ATPAF1: variants seen among roughly 807,000 people sequenced by gnomAD.
ATPAF1 encodes the protein homolog of yeast ATP11.
Under a neutral mutation model 43.9 loss-of-function variants are expected in ATPAF1, and 26 were observed. The observed-to-expected ratio is 0.59, with a 90% CI of 0.43 to 0.82. ATPAF1 has a LOEUF of 0.82. Among genes scored for constraint, ATPAF1 ranks in the 40% least tolerant of loss-of-function variants. The pLI is 0.00. For synonymous variants in ATPAF1, 157 were observed against 168.0 expected, an observed-to-expected ratio of 0.93 and a Z score of 0.50; for missense variants, 366 against 435.0, an observed-to-expected ratio of 0.84 and a Z score of 1.41.
chr1:46,652,322 A>C, intron 6 of ATPAF1: 1 of 346,112 alleles, frequency 2.9e-6, no homozygotes, highest in Non-Finnish European at 5.3e-6. Context: ...GGGAGCTAAA[A>C]AGCCAGAGGC....
intron 8 of ATPAF1, 96 bp from the exon 9 acceptor site, chr1:46,636,066 C>T (rs1208363748): frequency 4.4e-6 from 6 of 1,377,674 alleles, no homozygotes; most frequent in African/African-American, 1.4e-5. Context: ...GCCCAGGAGT[C>T]ACCACTTCCA....
chr1:46,639,434 C>T (rs1675905414), intron 8 of ATPAF1, among the ~76,000 whole-genome samples: 1 of 152,176 alleles, frequency 6.6e-6, no homozygotes, highest in African/African-American at 2.4e-5. Context: ...GGATATCACC[C>T]CACTCTCTAT....
chr1:46,660,224 G>A lies in ATPAF1; in HGVS notation c.376-1487C>T, dbSNP rs571262739. Among the ~76,000 whole-genome samples, 7 of 152,116 alleles carry A rather than the reference G, an allele frequency of 4.6e-5. No homozygotes were observed. In the East Asian group the frequency reaches 5.8e-4, roughly 13 times the overall value. ...ACTTCTGGCCTCAAGTGATCTGCCCGCTTCGGCCTCCCAAAGTGTTGGGAT... is the reference window on the plus strand; with the variant it reads ...ACTTCTGGCCTCAAGTGATCTGCCCACTTCGGCCTCCCAAAGTGTTGGGAT... On this transcript the variant is annotated intron_variant, in intron 2 of 8. Transcript: ENST00000574428.
At chr1:46,665,491 A>T in intron 1 of ATPAF1, 127 bp from the exon 2 acceptor site, 1 of 1,230,360 alleles carries the variant, frequency 8.1e-7, no homozygotes, top group Non-Finnish European at 1.1e-6. Context: ...ATTTGCCTTC[A>T]GTTAGTAAGA....
upstream of ATPAF1, chr1:46,668,421 C>G: frequency 4.3e-6 from 5 of 1,165,188 alleles, no homozygotes; most frequent in Non-Finnish European, 5.3e-6. This position sits in a 1 kb window ranked among gnomAD's most constrained non-coding sequence, Gnocchi z 4.4. Context: ...GCCCGCGCTC[C>G]GGCACCGAGG....
chr1:46,638,960 T>G lies in ATPAF1; in HGVS notation c.793-2990A>C, dbSNP rs556875230. Among the ~76,000 whole-genome samples the G allele has an allele frequency of 2.6e-5, 4 of 152,346 alleles. No homozygotes were observed. The South Asian group carries it at 8.3e-4, about 32-fold the overall frequency. ...TCCCTACATATTCCTGGGGTCATTCTCTTTCCTCCATCTCTATACCACTGC... is the reference window on the plus strand; with the variant it reads ...TCCCTACATATTCCTGGGGTCATTCGCTTTCCTCCATCTCTATACCACTGC... On this transcript the variant is annotated intron_variant, in intron 8 of 8. Coordinates refer to ENST00000574428, the Ensembl canonical transcript of ATPAF1.
rs759096193 is a variant in ATPAF1 at position 46,635,912 on chromosome 1, C to T, written c.851G>A (p.Arg284Gln). 2.7e-5 allele frequency: 43 copies of T among 1,614,092 alleles called. No homozygotes were observed. The South Asian group carries it at 3.6e-4, about 14-fold the overall frequency. ...CTCCACTAACCCGTAGGTCTCTTTCCGATCAGTAGCGTAGAAGAGCTGAAC... is the reference window on the plus strand; with the variant it reads ...CTCCACTAACCCGTAGGTCTCTTTCTGATCAGTAGCGTAGAAGAGCTGAAC... Residue 284 changes from arginine to glutamine, a missense_variant, in exon 9 of 9, where the codon CGG (arginine) becomes CAG (glutamine). Around this residue, in one of 2 missense-constraint regions of ATPAF1, gnomAD observed 180 missense variants for 266.5 expected, o/e 0.68. Coordinates refer to ENST00000574428, the Ensembl canonical transcript of ATPAF1.
At chr1:46,635,915 T>C in exon 9 of ATPAF1, 2 of 1,614,244 alleles carry the variant, frequency 1.2e-6, no homozygotes, top group Non-Finnish European at 1.7e-6. Context: ...CTCTTTCCGA[T>C]CAGTAGCGTA....
At chr1:46,634,092 A>G (rs549613068), downstream of ATPAF1, 403 of 335,932 alleles carry the variant, frequency 1.2e-3, 2 homozygotes, top group Non-Finnish European at 1.8e-3. Flanking sequence ...GTCTCTCTCA[A>G]TACATAGACT....
chr1:46,660,126 G>A (rs1359762601), intron 2 of ATPAF1, among the ~76,000 whole-genome samples: 3 of 152,032 alleles, frequency 2.0e-5, no homozygotes, highest in South Asian at 2.1e-4. Flanking sequence ...ACAGGCTTGT[G>A]CCACCATGCC....
rs528856853 is a variant in ATPAF1, at chr1:46,658,611, TC to T, written c.426+75del. Reference sequence around the variant, plus strand: ...AATCACTGAGCCACAGTACTTATGTTCAAATTTGCAGCCTCTTGTTCTAGAT... The same window carrying T: ...AATCACTGAGCCACAGTACTTATGTTAAATTTGCAGCCTCTTGTTCTAGAT... On this transcript the variant is annotated intron_variant, in intron 3 of 8. Coordinates refer to ENST00000574428, the Ensembl canonical transcript of ATPAF1. 555 of 1,165,628 alleles carry T rather than the reference TC, an allele frequency of 4.8e-4. 4 individuals are homozygous for T. In the African/African-American group the frequency reaches 8.0e-3, roughly 17 times the overall value. 72.2% of individuals were successfully genotyped at this position (1,165,628 alleles called of 1,614,324 possible). A position where few individuals can be genotyped will look rare whatever the true frequency, so the allele number is the denominator to read the frequency against.
At chr1:46,665,969 G>T in intron 1 of ATPAF1, 2 of 765,860 alleles carry the variant, frequency 2.6e-6, no homozygotes, top group Non-Finnish European at 1.8e-6. Flanking sequence ...AGGCTGGGGT[G>T]CTGTCCCTAT....
At position 46,653,302 on chromosome 1, in the gene ATPAF1, C is replaced by T. The variant is rs1250424430; in HGVS notation, c.540+515G>A. ...AGCAGCATCCCTTCTCTGTCACAGA[C>T]CTTAATGGTCAAGCAGTAGATGGTG... On this transcript the variant is annotated intron_variant, in intron 5 of 8. Transcript: ENST00000574428. The surrounding 1 kb of genome is among the most constrained non-coding windows in gnomAD (Gnocchi z 4.8). Among the ~76,000 whole-genome samples the T allele has an allele frequency of 6.6e-6, 1 of 151,978 alleles. No individual in the cohort carries two copies. Among genetic ancestry groups the T allele is most frequent in the African/African-American group, 2.4e-5 (1 of 41,346 alleles).
At chr1:46,640,991 C>A (rs1239564710) in intron 8 of ATPAF1, among the ~76,000 whole-genome samples, 1 of 152,178 alleles carries the variant, frequency 6.6e-6, no homozygotes, top group Admixed American at 6.5e-5. Context: ...CCCTCATTAC[C>A]AGACTTGCCC....
In ATPAF1 at chr1:46,645,214, CA is replaced by C. The variant is rs1310890099; in HGVS notation, c.630del (p.Phe210LeufsTer2). 3.1e-6 allele frequency: 5 copies of C among 1,613,896 alleles called. No homozygotes were observed. The highest frequency in any genetic ancestry group is 4.2e-6 in the Non-Finnish European group (5 of 1,179,876). ...AGTTCAGTACCTGTCCATTGTCCTACAAAAAACTCATAACCTTCCCTTCTTG... is the reference window on the plus strand; with the variant it reads ...AGTTCAGTACCTGTCCATTGTCCTACAAAAACTCATAACCTTCCCTTCTTG... On this transcript the variant is annotated frameshift_variant, in exon 7 of 9. Coordinates refer to ENST00000574428, the Ensembl canonical transcript of ATPAF1. LOFTEE classifies it high-confidence loss of function.
intron 8 of ATPAF1, among the ~76,000 whole-genome samples, chr1:46,636,765 T>C (rs927040345): frequency 2.7e-5 from 4 of 150,382 alleles, no homozygotes; most frequent in Admixed American, 6.6e-5. Flanking sequence ...AAATGAAAAA[T>C]GATGGAGAAT....
At chr1:46,637,423 C>T (rs186726043) in intron 8 of ATPAF1, among the ~76,000 whole-genome samples, 176 of 152,228 alleles carry the variant, frequency 1.2e-3, no homozygotes, top group African/African-American at 3.9e-3. Context: ...GGTTAGAACA[C>T]GGGCTACACT....
intron 2 of ATPAF1, among the ~76,000 whole-genome samples, chr1:46,658,983 A>G (rs1676331993): frequency 6.6e-6 from 1 of 152,120 alleles, no homozygotes; most frequent in Non-Finnish European, 1.5e-5. Flanking sequence ...TAAGGTCAGG[A>G]GTTCGAGACC....
Position 46,668,150 on chromosome 1 carries a change from C to T in ATPAF1, c.173G>A (p.Gly58Glu). 5 of 1,404,452 alleles carry T rather than the reference C, an allele frequency of 3.6e-6. No homozygotes were observed. Among genetic ancestry groups the T allele is most frequent in the Non-Finnish European group, 4.6e-6 (5 of 1,079,756 alleles). 87.0% of individuals were successfully genotyped at this position (1,404,452 alleles called of 1,614,324 possible). Reference sequence around the variant, plus strand: ...CCCGACCCCGCTGCTGTCGGCGCCCCCCTCGGGCCGGCCCGAGCCGGGGCG... The same window carrying T: ...CCCGACCCCGCTGCTGTCGGCGCCCTCCTCGGGCCGGCCCGAGCCGGGGCG... Residue 58 changes from glycine (G) to glutamate (E), a missense_variant, in exon 1 of 9, where the codon GGG becomes GAG. This residue lies in a region of ATPAF1 where 186 missense variants were observed against 168.5 expected (regional missense o/e 1.10). Transcript: ENST00000574428. The surrounding 1 kb of genome is among the most constrained non-coding windows in gnomAD (Gnocchi z 4.4).
Sources: gnomAD v4.1 joint callset for allele counts (sites outside exome capture counted in the v4.1 genomes callset) on GRCh38, gnomAD v4.1.1 for gene constraint, gnomAD v4.1.1 regional missense constraint, Gnocchi (gnomAD v3.1) non-coding constraint, MANE v1.5 for transcripts, NCBI Gene and HGNC (gene_info 2026-07-23, HGNC 2026-07-21) for gene names.